The following TMEM121 variants were observed in gnomAD, a reference collection of about 807,000 sequenced individuals.
TMEM121 encodes the protein transmembrane protein 121, also known as transmembrane protein 121A.
A neutral mutation model predicts 16.4 loss-of-function variants in TMEM121; 8 were observed. The observed-to-expected ratio is 0.49, with a 90% CI of 0.29 to 0.88. The LOEUF is 0.88. Among genes scored for constraint, TMEM121 ranks in the 40% least tolerant of loss-of-function variants. TMEM121 has a pLI of 0.09. For synonymous variants in TMEM121, 235 were observed against 226.2 expected, an observed-to-expected ratio of 1.04 and a Z score of -0.35; for missense variants, 401 against 462.0, an observed-to-expected ratio of 0.87 and a Z score of 1.21.
Position 105,529,713 on chromosome 14 carries a change from G to T in TMEM121, c.879G>T (p.Val293=). The part of the protein sequence containing the change: ...LQPPPPQRNS[V]PPPPPPLHGP... ...CGCCACCCCCGCAGCGCAACTCGGT[G>T]CCGCCGCCGCCGCCGCCGCTGCACG... Residue 293 remains valine (V), a synonymous_variant, in exon 2 of 2, where the codon GTG becomes GTT. Coordinates refer to ENST00000392519, the MANE Select transcript of TMEM121 (RefSeq NM_025268.4). The T allele has an allele frequency of 1.3e-6, 1 of 788,532 alleles. No homozygotes were observed. The highest frequency in any genetic ancestry group is 2.2e-5 in the South Asian group (1 of 44,834). 48.8% of individuals were successfully genotyped at this position (788,532 alleles called of 1,614,324 possible).
In TMEM121 at chr14:105,529,860, G is replaced by A. The variant is rs997482196; in HGVS notation, c.*66G>A. The A allele has an allele frequency of 1.6e-5, 22 of 1,349,914 alleles. 1 individual carries two copies. The Admixed American group carries it at 7.5e-4, about 46-fold the overall frequency. The allele number at this position is 1,349,914 out of a possible 1,614,324, so 83.6% of individuals were successfully genotyped here. On this transcript the variant is annotated 3_prime_UTR_variant, in exon 2 of 2. Coordinates refer to ENST00000392519, the MANE Select transcript of TMEM121 (RefSeq NM_025268.4). ...GACACCGGGTTGGCTTGGGGCGCGC[G>A]GTTTGCATGGGATGGGGTGGGGGCG...
chr14:105,529,756 C>A lies in TMEM121; in HGVS notation c.922C>A (p.His308Asn), dbSNP rs1555444368. The A allele has an allele frequency of 6.0e-6, 9 of 1,498,452 alleles. No homozygotes were observed. In the East Asian group the frequency reaches 1.5e-4, roughly 25 times the overall value. The allele number at this position is 1,498,452 out of a possible 1,614,324, so 92.8% of individuals were successfully genotyped here. A position where few individuals can be genotyped will look rare whatever the true frequency, so the allele number is the denominator to read the frequency against. ...GCTGCACGGCCCGCCTGGGCGCCCCCACATGTCCTCGCCCACGCGTGACCC... is the reference window on the plus strand; with the variant it reads ...GCTGCACGGCCCGCCTGGGCGCCCCAACATGTCCTCGCCCACGCGTGACCC... ...PPLHGPPGRP[H>N]MSSPTRDPLD... Residue 308 changes from histidine (H) to asparagine (N), a missense_variant, in exon 2 of 2, where the codon CAC (histidine) becomes AAC (asparagine). By Grantham distance (68) the His-to-Asn change is moderately conservative. Coordinates refer to ENST00000392519, the MANE Select transcript of TMEM121 (RefSeq NM_025268.4).
chr14:105,529,041 G>T lies in TMEM121; in HGVS notation c.207G>T (p.Thr69=), dbSNP rs587719021. The T allele has an allele frequency of 1.9e-6, 3 of 1,612,356 alleles. No individual in the cohort carries two copies. The highest frequency in any genetic ancestry group is 2.2e-5 in the South Asian group (2 of 91,080). ...TGTGGGTGGGCGCCGAGGTGCGCAC[G>T]GCCAAGCGCGGCTACGCCATGATCC... ...VAVWVGAEVR[T]AKRGYAMILW... is the part of the protein sequence containing the mutation. The change falls in exon 2 of 2, where the codon ACG becomes ACT. Residue 69 remains threonine, a synonymous_variant. Transcript: ENST00000392519.
At chr14:105,527,639 G>A (rs1170843734) in intron 1 of TMEM121, among the ~76,000 whole-genome samples, 2 of 152,112 alleles carry the variant, frequency 1.3e-5, no homozygotes, top group African/African-American at 2.4e-5. Flanking sequence ...TCCCGGATCG[G>A]TGGGGCCTGC....
Position 105,529,617 on chromosome 14 carries a change from C to T in TMEM121, c.783C>T (p.Ala261=), listed in dbSNP as rs782482905. 3 of 1,580,202 alleles carry T rather than the reference C, an allele frequency of 1.9e-6. No individual in the cohort carries two copies. The highest frequency in any genetic ancestry group is 2.6e-6 in the Non-Finnish European group (3 of 1,171,732). The change falls in exon 2 of 2, where the codon GCC becomes GCT. Residue 261 remains alanine, a synonymous_variant. Coordinates refer to ENST00000392519, the MANE Select transcript of TMEM121 (RefSeq NM_025268.4). ...GKNVVALATK[A]CTFLEYRRQV... ...ACGTGGTGGCGCTCGCCACCAAGGCCTGCACCTTCCTGGAGTACCGCCGCC... is the reference window on the plus strand; with the variant it reads ...ACGTGGTGGCGCTCGCCACCAAGGCTTGCACCTTCCTGGAGTACCGCCGCC...
rs2141833147 is a variant in TMEM121, at chr14:105,529,383, CT to C, written c.551del (p.Phe184SerfsTer26). 1 of 1,543,046 alleles carries C rather than the reference CT, an allele frequency of 6.5e-7. No individual in the cohort carries two copies. The highest frequency in any genetic ancestry group is 2.4e-5 in the East Asian group (1 of 40,894). ...GLPLWAEGLT[F>X]FYCYMLLLVL... ...TGCCGCTGTGGGCCGAGGGCCTCAC[CT>C]TCTTCTACTGCTACATGCTGCTGCT... is the stretch of plus-strand genomic sequence containing the variant. On this transcript the variant is annotated frameshift_variant, in exon 2 of 2. Coordinates refer to ENST00000392519, the MANE Select transcript of TMEM121 (RefSeq NM_025268.4). LOFTEE classifies it high-confidence loss of function.
rs376168675 is a variant in TMEM121 at position 105,529,160 on chromosome 14, C to T, written c.326C>T (p.Ala109Val). The T allele has an allele frequency of 2.0e-4, 323 of 1,593,254 alleles. No homozygotes were observed. The highest frequency in any genetic ancestry group is 1.2e-3 in the South Asian group (103 of 89,278). ...AARRGAADPV[A>V]RKALTLLLSV... The stretch of plus-strand genomic sequence containing the variant: ...CGGCGCGGCGCGGCGGACCCCGTGG[C>T]GCGCAAGGCGCTGACGCTGCTGCTG... The change falls in exon 2 of 2, where the codon GCG becomes GTG. Residue 109 changes from alanine to valine, a missense_variant. Transcript: ENST00000392519.
chr14:105,528,176 G>C lies in TMEM121; in HGVS notation c.-113-546G>C, dbSNP rs1450349221. 1.4e-4 allele frequency among the ~76,000 whole-genome samples: 21 copies of C among 151,812 alleles called. 2 individuals carry two copies. The highest frequency in any genetic ancestry group is 1.4e-3 in the Admixed American group (21 of 15,282). On this transcript the variant is annotated intron_variant, in intron 1 of 1. Transcript: ENST00000392519. ...GGGGGCTGCCGGGCAGGGGCGGGGAGGCTCGGAGAGGCTTGTGGGACGGAT... is the reference window on the plus strand; with the variant it reads ...GGGGGCTGCCGGGCAGGGGCGGGGACGCTCGGAGAGGCTTGTGGGACGGAT...
Position 105,529,878 on chromosome 14 carries a change from T to TGGGGGG in TMEM121, c.*89_*90insGGGGGG. 1 of 1,191,590 alleles carries TGGGGGG rather than the reference T, an allele frequency of 8.4e-7. No individual in the cohort carries two copies. The highest frequency in any genetic ancestry group is 1.1e-6 in the Non-Finnish European group (1 of 905,716). The allele number at this position is 1,191,590 out of a possible 1,614,324, so 73.8% of individuals were successfully genotyped here. On this transcript the variant is annotated 3_prime_UTR_variant, in exon 2 of 2. Coordinates refer to ENST00000392519, the MANE Select transcript of TMEM121 (RefSeq NM_025268.4). ...GGCGCGCGGTTTGCATGGGATGGGGTGGGGGCGGGCTCCCCTAGGGACAGG... is the reference window on the plus strand; with the variant it reads ...GGCGCGCGGTTTGCATGGGATGGGGTGGGGGGGGGGGCGGGCTCCCCTAGGGACAGG...
In TMEM121 at chr14:105,529,623, C is replaced by T; in HGVS notation, c.789C>T (p.Thr263=). The T allele has an allele frequency of 6.3e-7, 1 of 1,580,836 alleles. No homozygotes were observed. Among genetic ancestry groups the T allele is most frequent in the Non-Finnish European group, 8.5e-7 (1 of 1,172,064 alleles). ...NVVALATKAC[T]FLEYRRQVRD... ...TGGCGCTCGCCACCAAGGCCTGCAC[C>T]TTCCTGGAGTACCGCCGCCAGGTGC... The change falls in exon 2 of 2, where the codon ACC becomes ACT. Residue 263 remains threonine, a synonymous_variant. Coordinates refer to ENST00000392519, the MANE Select transcript of TMEM121 (RefSeq NM_025268.4).
At position 105,526,893 on chromosome 14, in the gene TMEM121, C is replaced by G. The variant is rs2084592392; in HGVS notation, c.-114+240C>G. On this transcript the variant is annotated intron_variant, in intron 1 of 1. Coordinates refer to ENST00000392519, the MANE Select transcript of TMEM121 (RefSeq NM_025268.4). This position sits in a 1 kb window ranked among gnomAD's most constrained non-coding sequence, Gnocchi z 6.8. ...GAGCGGCCCAAGCTCTGCACCGGCC[C>G]GCGGCGGGAGCACAGCAGCCCCCTC... 6.6e-6 allele frequency among the ~76,000 whole-genome samples: 1 copy of G among 151,962 alleles called. No homozygotes were observed. Among genetic ancestry groups the G allele is most frequent in the South Asian group, 2.1e-4 (1 of 4,822 alleles).
In TMEM121 at chr14:105,529,419, G is replaced by A. The variant is rs1014326122; in HGVS notation, c.585G>A (p.Pro195=). The A allele has an allele frequency of 7.1e-6, 11 of 1,545,660 alleles. No homozygotes were observed. The Middle Eastern group carries it at 9.6e-4, about 135-fold the overall frequency. The part of the protein sequence containing the change: ...FYCYMLLLVL[P]CVALSEVSMQ... ...GCTACATGCTGCTGCTGGTGCTGCC[G>A]TGCGTGGCGCTCAGCGAGGTCAGCA... is the stretch of plus-strand genomic sequence containing the variant. Residue 195 remains proline (P), a synonymous_variant, in exon 2 of 2, where the codon CCG becomes CCA. Coordinates refer to ENST00000392519, the MANE Select transcript of TMEM121 (RefSeq NM_025268.4).
Position 105,530,163 on chromosome 14 carries a change from C to A in TMEM121, c.*369C>A. ...GATTTGGGGCCAAGGAGGCCTCTGT[C>A]ATTTTAAAGACTCGTGTTTACAGTT... On this transcript the variant is annotated 3_prime_UTR_variant, in exon 2 of 2. Transcript: ENST00000392519. The A allele has an allele frequency of 3.8e-6, 1 of 263,832 alleles. No homozygotes were observed. Among genetic ancestry groups the A allele is most frequent in the Non-Finnish European group, 7.2e-6 (1 of 139,738 alleles). 16.3% of individuals were successfully genotyped at this position (263,832 alleles called of 1,614,324 possible).
intron 1 of TMEM121, chr14:105,527,230 A>C (rs1438302236): frequency 6.6e-6 from 1 of 152,198 alleles, no homozygotes; most frequent in Non-Finnish European, 1.5e-5. Context: ...ATCGAGCGAC[A>C]GCGTAGTGGG....
chr14:105,529,396 T>C lies in TMEM121; in HGVS notation c.562T>C (p.Tyr188His). ...CGAGGGCCTCACCTTCTTCTACTGCTACATGCTGCTGCTGGTGCTGCCGTG... is the reference window on the plus strand; with the variant it reads ...CGAGGGCCTCACCTTCTTCTACTGCCACATGCTGCTGCTGGTGCTGCCGTG... ...WAEGLTFFYCYMLLLVLPCVA... is the reference protein window; with the variant it reads ...WAEGLTFFYCHMLLLVLPCVA... Residue 188 changes from tyrosine (Y) to histidine (H), a missense_variant, in exon 2 of 2, where the codon TAC becomes CAC. Tyr to His is a moderately conservative substitution (Grantham distance 83, BLOSUM62 2). Transcript: ENST00000392519. 1 of 1,544,138 alleles carries C rather than the reference T, an allele frequency of 6.5e-7. No homozygotes were observed. The highest frequency in any genetic ancestry group is 8.7e-7 in the Non-Finnish European group (1 of 1,146,786).
chr14:105,527,288 T>TC (rs1176096837), intron 1 of TMEM121: 3 of 151,992 alleles, frequency 2.0e-5, no homozygotes, highest in African/African-American at 7.3e-5. Flanking sequence ...GCGCCGTGGC[T>TC]CCCCCGCTAT....
chr14:105,527,918 T>C (rs1555443991), intron 1 of TMEM121, among the ~76,000 whole-genome samples: 1 of 152,024 alleles, frequency 6.6e-6, no homozygotes, highest in Non-Finnish European at 1.5e-5. Flanking sequence ...TGCAGGGGCC[T>C]GTGGAAGCCC....
intron 1 of TMEM121, among the ~76,000 whole-genome samples, chr14:105,528,038 A>C (rs75767904): frequency 2.7e-5 from 4 of 149,786 alleles, no homozygotes; most frequent in Admixed American, 2.6e-4. Context: ...GTGGGGGACA[A>C]CACCTCGCCA....
At position 105,529,173 on chromosome 14, in the gene TMEM121, G is replaced by T. The variant is rs1555444196; in HGVS notation, c.339G>T (p.Leu113=). The T allele has an allele frequency of 6.3e-7, 1 of 1,588,682 alleles. No homozygotes were observed. The highest frequency in any genetic ancestry group is 8.5e-7 in the Non-Finnish European group (1 of 1,170,104). The change falls in exon 2 of 2, where the codon CTG becomes CTT. Residue 113 remains leucine, a synonymous_variant. Coordinates refer to ENST00000392519, the MANE Select transcript of TMEM121 (RefSeq NM_025268.4). ...CGGACCCCGTGGCGCGCAAGGCGCT[G>T]ACGCTGCTGCTGTCTGTGTGTGTGC... ...GAADPVARKA[L]TLLLSVCVPG... is the part of the protein sequence containing the mutation.
Sources: gnomAD v4.1 joint callset for allele counts (sites outside exome capture counted in the v4.1 genomes callset) on GRCh38, gnomAD v4.1.1 for gene constraint, Gnocchi (gnomAD v3.1) non-coding constraint, MANE v1.5 for transcripts, NCBI Gene and HGNC (gene_info 2026-07-23, HGNC 2026-07-21) for gene names.